The following MAP2K5 variants were observed in gnomAD, a reference collection of about 807,000 sequenced individuals.
MAP2K5 encodes dual specificity mitogen-activated protein kinase kinase 5.
In MAP2K5, 49 loss-of-function variants were observed where a neutral mutation model predicts 83.1. The ratio of observed to expected loss-of-function variants is 0.59; its 90% CI spans 0.47 to 0.75. MAP2K5 has a LOEUF of 0.75. MAP2K5 is among the 30% of genes least tolerant of loss of function. The pLI, the probability that MAP2K5 is intolerant of heterozygous loss-of-function variation, is 0.00. For missense variants in MAP2K5, 457 were observed against 557.5 expected, an observed-to-expected ratio of 0.82 and a Z score of 1.82; for synonymous variants, 202 against 191.8, an observed-to-expected ratio of 1.05 and a Z score of -0.44.
chr15:67,566,703 C>T (rs2084847663), intron 3 of MAP2K5, among the ~76,000 whole-genome samples: 2 of 152,134 alleles, frequency 1.3e-5, no homozygotes, highest in East Asian at 1.9e-4. Flanking sequence ...TTACTTTTTC[C>T]CCCTCTTGGA....
At chr15:67,622,532 T>G (rs572964563) in intron 8 of MAP2K5, among the ~76,000 whole-genome samples, 1 of 143,912 alleles carries the variant, frequency 6.9e-6, no homozygotes, top group East Asian at 1.9e-4. Context: ...GCATGTGGAT[T>G]TTTTTTTTTG....
chr15:67,553,880 T>A (rs2084565034), intron 2 of MAP2K5, among the ~76,000 whole-genome samples: 1 of 115,526 alleles, frequency 8.7e-6, no homozygotes, highest in East Asian at 2.8e-4. Context: ...GCCACTGCAG[T>A]CCGCAGTCCG....
intron 8 of MAP2K5, among the ~76,000 whole-genome samples, chr15:67,615,187 A>G (rs752339702): frequency 1.1e-4 from 16 of 152,012 alleles, no homozygotes; most frequent in Non-Finnish European, 1.8e-4. Context: ...TAGTAGAAAC[A>G]GGGTTTCACC....
intron 12 of MAP2K5, among the ~76,000 whole-genome samples, chr15:67,662,983 G>A (rs191909492): frequency 6.6e-6 from 1 of 152,066 alleles, no homozygotes; most frequent in African/African-American, 2.4e-5. Flanking sequence ...TTACAGAAAA[G>A]TTGTGAGACT....
At position 67,638,314 on chromosome 15, in the gene MAP2K5, CAT is replaced by C. The variant is rs2086647088; in HGVS notation, c.585+7388_585+7389del. 6.6e-6 allele frequency among the ~76,000 whole-genome samples: 1 copy of C among 152,174 alleles called. No homozygotes were observed. Among genetic ancestry groups the C allele is most frequent in the African/African-American group, 2.4e-5 (1 of 41,444 alleles). ...GTTAGCTCCCACTTATAAGTGAGAACATGTGGTATTCGGTTTCCTGTTCTTGT... is the reference window on the plus strand; with the variant it reads ...GTTAGCTCCCACTTATAAGTGAGAACGTGGTATTCGGTTTCCTGTTCTTGT... On this transcript the variant is annotated intron_variant, in intron 9 of 21. Transcript: ENST00000178640. The surrounding 1 kb of genome is among the most constrained non-coding windows in gnomAD (Gnocchi z 4.5).
intron 8 of MAP2K5, among the ~76,000 whole-genome samples, chr15:67,611,449 T>G (rs2085922595): frequency 6.6e-6 from 1 of 152,156 alleles, no homozygotes; most frequent in Admixed American, 6.6e-5. Flanking sequence ...GTTTCCCTGC[T>G]CCTTTGGAGT....
intron 3 of MAP2K5, among the ~76,000 whole-genome samples, chr15:67,571,548 A>G (rs892483137): frequency 1.3e-5 from 2 of 151,780 alleles, no homozygotes; most frequent in African/African-American, 4.8e-5. Context: ...TGTTTCTTCT[A>G]TGTACTCTTA....
At chr15:67,762,823 C>T (rs2089974581) in intron 19 of MAP2K5, among the ~76,000 whole-genome samples, 2 of 152,096 alleles carry the variant, frequency 1.3e-5, no homozygotes, top group Non-Finnish European at 2.9e-5. Context: ...AGCTGGTTCT[C>T]CTTGATTAAA....
intron 1 of MAP2K5, among the ~76,000 whole-genome samples, chr15:67,548,618 A>G (rs773783874): frequency 9.2e-5 from 14 of 152,226 alleles, no homozygotes; most frequent in Non-Finnish European, 1.6e-4. Flanking sequence ...CCAGAGAGCT[A>G]GCATCCAGCT....
At chr15:67,610,804 T>A (rs192472499) in intron 8 of MAP2K5, among the ~76,000 whole-genome samples, 52 of 152,280 alleles carry the variant, frequency 3.4e-4, no homozygotes, top group Middle Eastern at 6.8e-3. Context: ...TAAATTTTTT[T>A]AAAAAAACAT....
intron 16 of MAP2K5, among the ~76,000 whole-genome samples, 186 bp downstream of exon 16, chr15:67,703,594 AAAG>A (rs1437684595): frequency 3.3e-5 from 5 of 152,216 alleles, no homozygotes; most frequent in Non-Finnish European, 5.9e-5. Context: ...AGGTTATTTT[AAAG>A]CACTGTTTAT....
rs551700349 is a variant in MAP2K5, at chr15:67,698,349, G to A, written c.972+4781G>A. ...ATTACAGGCGTGCACCACCACGCCCGGCTAATTTTTGTATTTTTAGTAGAG... is the reference window on the plus strand; with the variant it reads ...ATTACAGGCGTGCACCACCACGCCCAGCTAATTTTTGTATTTTTAGTAGAG... On this transcript the variant is annotated intron_variant, in intron 15 of 21. Transcript: ENST00000178640. The surrounding 1 kb of genome is among the most constrained non-coding windows in gnomAD (Gnocchi z 4.5). Among the ~76,000 whole-genome samples the A allele has an allele frequency of 1.5e-3, 224 of 151,946 alleles. 1 individual carries two copies. The highest frequency in any genetic ancestry group is 6.8e-3 in the Middle Eastern group (2 of 294).
chr15:67,785,104 A>G lies in MAP2K5; in HGVS notation c.1242+12352A>G, dbSNP rs561897305. Among the ~76,000 whole-genome samples, 5 of 152,144 alleles carry G rather than the reference A, an allele frequency of 3.3e-5. No individual in the cohort carries two copies. Among genetic ancestry groups the G allele is most frequent in the African/African-American group, 7.2e-5 (3 of 41,514 alleles). On this transcript the variant is annotated intron_variant, in intron 21 of 21. Transcript: ENST00000178640. The surrounding 1 kb of genome is among the most constrained non-coding windows in gnomAD (Gnocchi z 4.4). ...GCTGAGACTACACATGAACAACACT[A>G]TGGCTAATTTTTGTATTTTCAGTAG...
intron 2 of MAP2K5, among the ~76,000 whole-genome samples, chr15:67,560,199 AT>A (rs759205113): frequency 6.6e-6 from 1 of 152,184 alleles, no homozygotes; most frequent in East Asian, 1.9e-4. Flanking sequence ...AGAGAAGTGC[AT>A]TTTTGCTTTA....
At position 67,638,964 on chromosome 15, in the gene MAP2K5, T is replaced by A. The variant is rs1188008910; in HGVS notation, c.586-7267T>A. Among the ~76,000 whole-genome samples the A allele has an allele frequency of 6.6e-6, 1 of 152,126 alleles. No individual in the cohort carries two copies. Among genetic ancestry groups the A allele is most frequent in the East Asian group, 1.9e-4 (1 of 5,200 alleles). ...GTATAGACCCCTTCCTTATACCCCT[T>A]TACTGCAAAAATTAACTCAAAATTA... On this transcript the variant is annotated intron_variant, in intron 9 of 21. Transcript: ENST00000178640. This position sits in a 1 kb window ranked among gnomAD's most constrained non-coding sequence, Gnocchi z 4.5.
In MAP2K5 at chr15:67,565,861, C is replaced by T. The variant is rs1386899263; in HGVS notation, c.252+2511C>T. Among the ~76,000 whole-genome samples, 2 of 152,172 alleles carry T rather than the reference C, an allele frequency of 1.3e-5. No homozygotes were observed. The highest frequency in any genetic ancestry group is 2.9e-5 in the Non-Finnish European group (2 of 68,024). ...CTGGCCTCAAGTGGTCCTCCTGCCT[C>T]AGCCTCCCAAGGTGCTGGAATTACA... On this transcript the variant is annotated intron_variant, in intron 3 of 21. Transcript: ENST00000178640. The surrounding 1 kb of genome is among the most constrained non-coding windows in gnomAD (Gnocchi z 4.1).
At position 67,612,997 on chromosome 15, in the gene MAP2K5, TAAAA is replaced by T. The variant is rs2085964281; in HGVS notation, c.545+12249_545+12252del. Among the ~76,000 whole-genome samples the T allele has an allele frequency of 9.2e-5, 14 of 151,502 alleles. No individual in the cohort carries two copies. The South Asian group carries it at 2.9e-3, about 31-fold the overall frequency. On this transcript the variant is annotated intron_variant, in intron 8 of 21. Transcript: ENST00000178640. Reference sequence around the variant, plus strand: ...TTGAAGTGTTCATTTAGCTGATAGTTAAAAGAGGAGTTATTTACAGAGGCCTCTA... The same window carrying T: ...TTGAAGTGTTCATTTAGCTGATAGTTGAGGAGTTATTTACAGAGGCCTCTA...
At chr15:67,620,953 T>C (rs1006418764) in intron 8 of MAP2K5, among the ~76,000 whole-genome samples, 11 of 152,134 alleles carry the variant, frequency 7.2e-5, no homozygotes, top group Non-Finnish European at 1.6e-4. Flanking sequence ...AATCCAAATA[T>C]ATCAATAATT....
intron 1 of MAP2K5, chr15:67,546,679 G>T: frequency 1.1e-6 from 1 of 899,890 alleles, no homozygotes; most frequent in Non-Finnish European, 1.3e-6. Context: ...TATACAAGAG[G>T]TCTGGTTAGT....
Sources: gnomAD v4.1 joint callset for allele counts (sites outside exome capture counted in the v4.1 genomes callset) on GRCh38, gnomAD v4.1.1 for gene constraint, Gnocchi (gnomAD v3.1) non-coding constraint, MANE v1.5 for transcripts, NCBI Gene and HGNC (gene_info 2026-07-23, HGNC 2026-07-21) for gene names.